The following TSGA10 variants were observed in gnomAD, a reference collection of about 807,000 sequenced individuals.
The protein encoded by TSGA10 is testis specific 10, also known as testis-specific gene 10 protein.
Under a neutral mutation model 96.6 loss-of-function variants are expected in TSGA10, and 43 were observed. The ratio of observed to expected loss-of-function variants is 0.44; its 90% CI spans 0.35 to 0.57. The LOEUF (loss-of-function observed/expected upper bound fraction) is 0.57. TSGA10 is among the 20% of genes least tolerant of loss of function. The pLI, the probability that TSGA10 is intolerant of heterozygous loss-of-function variation, is 0.01. For synonymous variants in TSGA10, 229 were observed against 269.9 expected (o/e 0.85, Z 1.48); for missense variants, 703 against 834.4 (o/e 0.84, Z 1.94).
intron 16 of TSGA10, among the ~76,000 whole-genome samples, chr2:99,052,366 A>G (rs2083477466): frequency 6.6e-6 from 1 of 152,158 alleles, no homozygotes; most frequent in African/African-American, 2.4e-5. Flanking sequence ...ACCTAGAGGA[A>G]AAGAATAATT....
chr2:99,150,463 ACT>A, intron 1 of TSGA10: 1 of 1,119,340 alleles, frequency 8.9e-7, no homozygotes, highest in South Asian at 1.5e-5. Flanking sequence ...TTCACTTGTT[ACT>A]TTTTTTTTTT....
At chr2:99,073,996 T>C (rs1324242445) in intron 12 of TSGA10, among the ~76,000 whole-genome samples, 1 of 136,198 alleles carries the variant, frequency 7.3e-6, no homozygotes, top group Non-Finnish European at 1.6e-5. Context: ...TTCCTGTTTC[T>C]TTTCTTTTTT....
intron 16 of TSGA10, among the ~76,000 whole-genome samples, chr2:99,048,812 A>G (rs1435237560): frequency 6.6e-6 from 1 of 152,134 alleles, no homozygotes; most frequent in Admixed American, 6.5e-5. Flanking sequence ...AATGGGGGAA[A>G]ATTTTTGCAA....
intron 1 of TSGA10, among the ~76,000 whole-genome samples, chr2:99,152,188 G>A (rs1231042341): frequency 6.6e-6 from 1 of 152,188 alleles, no homozygotes; most frequent in Non-Finnish European, 1.5e-5. Flanking sequence ...TACTAGGAAA[G>A]ACAGGAGATT....
rs2077565379 is a variant in TSGA10 at position 98,997,483 on chromosome 2, A to T, written c.*714T>A. ...AGACAATAAAATAAAATCGCAATTA[A>T]GTTGATTGCAGTACTTGAAAGAAAA... is the stretch of plus-strand genomic sequence containing the variant. On this transcript the variant is annotated 3_prime_UTR_variant, in exon 21 of 21. Coordinates refer to ENST00000393483, the MANE Select transcript of TSGA10 (RefSeq NM_025244.4). The T allele has an allele frequency of 6.6e-6, 1 of 152,126 alleles. No individual in the cohort carries two copies. The highest frequency in any genetic ancestry group is 6.6e-5 in the Admixed American group (1 of 15,266). The allele number at this position is 152,126 out of a possible 1,614,324, so 9.4% of individuals were successfully genotyped here. A position where few individuals can be genotyped will look rare whatever the true frequency, so the allele number is the denominator to read the frequency against.
chr2:99,114,763 C>A (rs2092109170), intron 4 of TSGA10, among the ~76,000 whole-genome samples: 2 of 152,258 alleles, frequency 1.3e-5, no homozygotes, highest in Non-Finnish European at 2.9e-5. Flanking sequence ...CTTACTCTCT[C>A]TAGAACATAA....
At chr2:99,108,683 C>G in intron 7 of TSGA10, 150 bp downstream of exon 7, 1 of 558,826 alleles carries the variant, frequency 1.8e-6, no homozygotes, top group Non-Finnish European at 2.9e-6. Flanking sequence ...TACTACATTT[C>G]ATTAAGAATA....
At chr2:99,042,590 A>G (rs909554692) in intron 16 of TSGA10, among the ~76,000 whole-genome samples, 3 of 152,156 alleles carry the variant, frequency 2.0e-5, no homozygotes, top group African/African-American at 7.2e-5. Flanking sequence ...ATCTCTTACA[A>G]CATTTGGGGC....
rs1243848650 is a variant in TSGA10, at chr2:99,118,541, A to G, written c.-356+10T>C. 7 of 978,212 alleles carry G rather than the reference A, an allele frequency of 7.2e-6. No homozygotes were observed. Among genetic ancestry groups the G allele is most frequent in the Non-Finnish European group, 8.5e-6 (7 of 823,796 alleles). The allele number at this position is 978,212 out of a possible 1,614,324, so 60.6% of individuals were successfully genotyped here. A position where few individuals can be genotyped will look rare whatever the true frequency, so the allele number is the denominator to read the frequency against. ...TTTAAAAAGTCCTTTTGAAAGTATCAGTAACTTACTTGACTAAGCTAAATA... is the reference window on the plus strand; with the variant it reads ...TTTAAAAAGTCCTTTTGAAAGTATCGGTAACTTACTTGACTAAGCTAAATA... On this transcript the variant is annotated intron_variant, in intron 3 of 20. Transcript: ENST00000393483.
chr2:99,031,457 A>G (rs1181384313), intron 17 of TSGA10, among the ~76,000 whole-genome samples: 2 of 152,088 alleles, frequency 1.3e-5, no homozygotes, highest in African/African-American at 4.8e-5. Flanking sequence ...TAATTTTTAG[A>G]CTTAAAGCCA....
intron 1 of TSGA10, among the ~76,000 whole-genome samples, chr2:99,138,119 A>G (rs1272322680): frequency 6.6e-6 from 1 of 152,314 alleles, no homozygotes; most frequent in East Asian, 1.9e-4. Context: ...AGCAGCCTGA[A>G]TGGACTAAGA....
intron 1 of TSGA10, chr2:99,147,333 C>T (rs1036108741): frequency 1.2e-6 from 1 of 863,112 alleles, no homozygotes; most frequent in African/African-American, 1.7e-5. Context: ...GTAAAGAAAG[C>T]CACTTTGTTC....
chr2:99,027,318 A>G (rs144357356), intron 17 of TSGA10, among the ~76,000 whole-genome samples: 59 of 152,346 alleles, frequency 3.9e-4, no homozygotes, highest in African/African-American at 1.3e-3. Flanking sequence ...CAAATACTGT[A>G]TGATCTTACT....
chr2:99,068,576 G>GT (rs2085541113), intron 15 of TSGA10, among the ~76,000 whole-genome samples: 1 of 152,132 alleles, frequency 6.6e-6, no homozygotes, highest in Non-Finnish European at 1.5e-5. Flanking sequence ...TTTGTCAGAG[G>GT]TTTATAACTG....
intron 17 of TSGA10, among the ~76,000 whole-genome samples, chr2:99,026,173 A>C (rs1352626243): frequency 6.6e-6 from 1 of 152,158 alleles, no homozygotes; most frequent in African/African-American, 2.4e-5. Context: ...TCATTATTGA[A>C]AGTGGGGTAT....
intron 10 of TSGA10, among the ~76,000 whole-genome samples, chr2:99,083,578 CCCTCA>C (rs1205829442): frequency 6.6e-6 from 1 of 152,132 alleles, no homozygotes; most frequent in Non-Finnish European, 1.5e-5. Context: ...ATCAAAATGT[CCCTCA>C]CCAGGTGAAT....
intron 1 of TSGA10, among the ~76,000 whole-genome samples, chr2:99,142,928 T>C (rs760012104): frequency 1.4e-4 from 21 of 152,212 alleles, no homozygotes; most frequent in Non-Finnish European, 2.4e-4. Flanking sequence ...TAAGCACTTA[T>C]GTATGCCACC....
chr2:99,049,704 A>G (rs1435583731), intron 16 of TSGA10, among the ~76,000 whole-genome samples: 1 of 151,686 alleles, frequency 6.6e-6, no homozygotes, highest in Non-Finnish European at 1.5e-5. Flanking sequence ...CATTCTGCAC[A>G]TATACCCCAG....
intron 17 of TSGA10, among the ~76,000 whole-genome samples, chr2:99,024,637 A>C (rs932095477): frequency 6.6e-6 from 1 of 151,890 alleles, no homozygotes; most frequent in African/African-American, 2.4e-5. Context: ...GATGCCTTTT[A>C]TTTCTTTTTC....
Sources: allele counts gnomAD v4.1 joint callset (sites outside exome capture counted in the v4.1 genomes callset), GRCh38; gene constraint gnomAD v4.1.1; transcripts MANE v1.5; gene names NCBI Gene and HGNC (gene_info 2026-07-23, HGNC 2026-07-21).